Variants in NBPF14 observed in about 807,000 individuals in gnomAD.
The protein encoded by NBPF14 is NBPF member 14.
In NBPF14, 104 loss-of-function variants were observed where a neutral mutation model predicts 91.2. That is an observed-to-expected ratio of 1.14 (90% confidence interval 0.97 to 1.34). NBPF14 has a LOEUF of 1.34. Ranked by LOEUF, NBPF14 falls within the 40% of genes most tolerant of loss-of-function variation. The pLI, the probability that NBPF14 is intolerant of heterozygous loss-of-function variation, is 0.00. For synonymous variants in NBPF14, 294 were observed against 303.8 expected (o/e 0.97, Z 0.34); for missense variants, 908 against 783.0 (o/e 1.16, Z -1.91).
intron 68 of NBPF14, 122 bp downstream of exon 68, chr1:148,535,331 T>A (rs1654923276): frequency 1.7e-6 from 1 of 595,788 alleles, no homozygotes. Context: ...CCAACAGCAA[T>A]GTCAGTAGGA....
At chr1:148,542,175 T>A (rs1167172402) in intron 59 of NBPF14, among the ~76,000 whole-genome samples, 1 of 103,934 alleles carries the variant, frequency 9.6e-6, no homozygotes, top group Non-Finnish European at 1.7e-5. Context: ...TATTTAGCCC[T>A]GTCTCAACAA....
rs1189530336 is a variant in NBPF14 at position 148,566,319 on chromosome 1, G to C, written c.3543-4C>G. On this transcript the variant is annotated splice_polypyrimidine_tract_variant and splice_region_variant and intron_variant, in intron 28 of 70. Transcript: ENST00000619423. ...CTCCAGCAGCTCCCTGCTGAGCCTG[G>C]AAAAGGAGGAAAAGGTAAAGAATAA... 6.6e-6 allele frequency: 5 copies of C among 755,310 alleles called. No individual in the cohort carries two copies. Among genetic ancestry groups the C allele is most frequent in the Non-Finnish European group, 1.2e-5 (5 of 429,442 alleles). The allele number at this position is 755,310 out of a possible 1,614,324, so 46.8% of individuals were successfully genotyped here.
intron 12 of NBPF14, among the ~76,000 whole-genome samples, chr1:148,579,746 C>G (rs1280789832): frequency 5.9e-5 from 9 of 152,096 alleles, no homozygotes; most frequent in African/African-American, 1.9e-4. Context: ...CATATATACA[C>G]CTCTCCCTGG....
chr1:148,572,328 G>C, intron 21 of NBPF14, 115 bp downstream of exon 21: 1 of 262,520 alleles, frequency 3.8e-6, no homozygotes, highest in Non-Finnish European at 6.5e-6. Context: ...GCGCCCATAG[G>C]TCCTGCCTGC....
At chr1:148,534,912 C>T (rs1489091435) in intron 68 of NBPF14, 56 bp from the exon 69 acceptor site, 2 of 723,728 alleles carry the variant, frequency 2.8e-6, no homozygotes, top group African/African-American at 2.0e-5. Context: ...AACCACACAG[C>T]CCCAGCTAGA....
exon 37 of NBPF14, chr1:148,559,920 C>A (rs1657406984): frequency 4.5e-6 from 6 of 1,340,124 alleles, no homozygotes; most frequent in Non-Finnish European, 6.2e-6. Context: ...CCAGTGAGTC[C>A]TGCAAGACTT....
intron 28 of NBPF14, among the ~76,000 whole-genome samples, chr1:148,566,542 A>ACAAACAC (rs1658408822): frequency 1.1e-5 from 1 of 90,938 alleles, no homozygotes; most frequent in African/African-American, 3.9e-5. Context: ...CACACACACA[A>ACAAACAC]ACACACACAC....
At chr1:148,587,185 T>G in intron 8 of NBPF14, 116 bp downstream of exon 8, 1 of 847,158 alleles carries the variant, frequency 1.2e-6, no homozygotes, top group Non-Finnish European at 2.0e-6. Flanking sequence ...GAGCCTGCCA[T>G]GGCAATTCCT....
chr1:148,587,479 C>T, intron 7 of NBPF14, 76 bp from the exon 8 acceptor site: 1 of 1,383,270 alleles, frequency 7.2e-7, no homozygotes, highest in Non-Finnish European at 1.0e-6. Flanking sequence ...AGGACAGGAG[C>T]CAGGTCCATC....
chr1:148,531,858 CTCT>C (rs1653835254), exon 71 of NBPF14: 1 of 103,068 alleles, frequency 9.7e-6, no homozygotes, highest in Non-Finnish European at 2.0e-5. Flanking sequence ...ACTAGACCTT[CTCT>C]GCCCGCAGAT....
rs1295597442 is a variant in NBPF14 at position 148,542,201 on chromosome 1, A to T, written c.7375+353T>A. Among the ~76,000 whole-genome samples, 14 of 85,866 alleles carry T rather than the reference A, an allele frequency of 1.6e-4. 1 individual carries two copies. Among genetic ancestry groups the T allele is most frequent in the African/African-American group, 2.3e-4 (2 of 8,658 alleles). The allele number at this position is 85,866 out of a possible 152,430, so 56.3% of individuals were successfully genotyped here. A position where few individuals can be genotyped will look rare whatever the true frequency, so the allele number is the denominator to read the frequency against. ...GTCTCAACAAATACGCAGATTGTTCATGGTTGTGAGGACTTTAGACACTGA... is the reference window on the plus strand; with the variant it reads ...GTCTCAACAAATACGCAGATTGTTCTTGGTTGTGAGGACTTTAGACACTGA... On this transcript the variant is annotated intron_variant, in intron 59 of 70. Coordinates refer to ENST00000619423, the Ensembl canonical transcript of NBPF14.
Position 148,535,432 on chromosome 1 carries a change from T to A in NBPF14, c.8441+21A>T, listed in dbSNP as rs1654959042. The A allele has an allele frequency of 8.1e-6, 4 of 492,090 alleles. No homozygotes were observed. In the South Asian group the frequency reaches 8.2e-5, roughly 10 times the overall value. The allele number at this position is 492,090 out of a possible 1,614,324, so 30.5% of individuals were successfully genotyped here. The stretch of plus-strand genomic sequence containing the variant: ...CCAGGTGTCAACACAGAATTAAGCA[T>A]CCATAATTGCTCAAAGTTACCTGGG... On this transcript the variant is annotated intron_variant, in intron 68 of 70. Coordinates refer to ENST00000619423, the Ensembl canonical transcript of NBPF14.
intron 3 of NBPF14, among the ~76,000 whole-genome samples, 165 bp downstream of exon 3, chr1:148,593,430 CTTA>C (rs1472277506): frequency 4.1e-5 from 6 of 148,030 alleles, no homozygotes; most frequent in Admixed American, 2.0e-4. Flanking sequence ...CAACAGAGAA[CTTA>C]TTATTATCCT....
At chr1:148,534,493 C>T (rs1379020764) in intron 69 of NBPF14, among the ~76,000 whole-genome samples, 191 bp downstream of exon 69, 39 of 151,916 alleles carry the variant, frequency 2.6e-4, no homozygotes, top group Non-Finnish European at 4.7e-4. Context: ...GGAAGAGAGT[C>T]TTGCTCACTG....
chr1:148,566,456 T>A (rs1305061826), intron 28 of NBPF14, 141 bp from the exon 29 acceptor site: 2 of 600,258 alleles, frequency 3.3e-6, no homozygotes, highest in East Asian at 3.0e-5. Context: ...AATTGTTGCC[T>A]TCATGTTGGG....
At chr1:148,534,832 C>A in exon 69 of NBPF14, 4 of 1,103,840 alleles carry the variant, frequency 3.6e-6, no homozygotes, top group South Asian at 1.3e-5. Context: ...CAGGATCTTT[C>A]TCATCCAGCA....
Position 148,533,798 on chromosome 1 carries a change from C to T in NBPF14, c.8723+63G>A, listed in dbSNP as rs1452153534. The T allele has an allele frequency of 6.5e-6, 5 of 765,604 alleles. 1 individual carries two copies. The highest frequency in any genetic ancestry group is 5.1e-5 in the Admixed American group (3 of 58,352). The allele number at this position is 765,604 out of a possible 1,614,324, so 47.4% of individuals were successfully genotyped here. On this transcript the variant is annotated intron_variant, in intron 70 of 70. Transcript: ENST00000619423. The stretch of plus-strand genomic sequence containing the variant: ...TATGACATCAAACACACTCTGGTTT[C>T]CCTGAATCTGTTGCCTCCAGGAGTT...
In NBPF14 at chr1:148,533,676, G is replaced by T. The variant is rs1654224081; in HGVS notation, c.8723+185C>A. On this transcript the variant is annotated intron_variant, in intron 70 of 70. Transcript: ENST00000619423. ...AGTATGGTCAACCTATGGTACGTTA[G>T]GAAATGATAAGGGGAGGAAGAAATG... Among the ~76,000 whole-genome samples the T allele has an allele frequency of 4.0e-5, 6 of 149,670 alleles. No individual in the cohort carries two copies. The South Asian group carries it at 1.3e-3, about 32-fold the overall frequency.
At chr1:148,557,665 A>C in intron 39 of NBPF14, 123 bp from the exon 40 acceptor site, 2 of 613,698 alleles carry the variant, frequency 3.3e-6, no homozygotes, top group East Asian at 6.9e-5. Context: ...ACCATGTGAG[A>C]GATATACTTC....
Sources: allele counts gnomAD v4.1 joint callset (sites outside exome capture counted in the v4.1 genomes callset), GRCh38; gene constraint gnomAD v4.1.1; transcripts MANE v1.5; gene names NCBI Gene and HGNC (gene_info 2026-07-23, HGNC 2026-07-21).